The following DLG2 variants were observed in gnomAD, a reference collection of about 807,000 sequenced individuals.
DLG2 encodes the protein discs large MAGUK scaffold protein 2.
In DLG2, 45 loss-of-function variants were observed where a neutral mutation model predicts 132.5. The observed-to-expected ratio is 0.34, with a 90% CI of 0.27 to 0.44. The LOEUF (loss-of-function observed/expected upper bound fraction) is 0.44. DLG2 is among the 20% of genes least tolerant of loss of function. The pLI, the probability that DLG2 is intolerant of heterozygous loss-of-function variation, is 1.00. For missense variants in DLG2, 1,045 were observed against 1,196.9 expected (o/e 0.87, Z 1.87); for synonymous variants, 424 against 419.6 (o/e 1.01, Z -0.13).
chr11:83,796,659 T>G (rs1354946347), intron 17 of DLG2, among the ~76,000 whole-genome samples: 1 of 152,232 alleles, frequency 6.6e-6, no homozygotes, highest in Non-Finnish European at 1.5e-5. Context: ...AGATCAAATA[T>G]GGCAATATGG....
intron 6 of DLG2, among the ~76,000 whole-genome samples, chr11:85,093,947 A>G (rs141417813): frequency 1.1e-4 from 17 of 152,362 alleles, no homozygotes; most frequent in African/African-American, 3.8e-4. Flanking sequence ...AATAAAGACA[A>G]TAACAAGGTA....
intron 6 of DLG2, among the ~76,000 whole-genome samples, chr11:84,929,678 C>T (rs1197987035): frequency 2.0e-5 from 3 of 151,900 alleles, no homozygotes; most frequent in South Asian, 2.1e-4. Context: ...AGAGAAATTG[C>T]GTTATTGAAA....
At chr11:84,570,280 T>C (rs2099476553) in intron 6 of DLG2, among the ~76,000 whole-genome samples, 1 of 152,214 alleles carries the variant, frequency 6.6e-6, no homozygotes, top group Non-Finnish European at 1.5e-5. Flanking sequence ...TTATCTGGCT[T>C]ATTCTTGTTC....
chr11:84,765,011 G>C (rs565573281), intron 6 of DLG2, among the ~76,000 whole-genome samples: 1 of 152,142 alleles, frequency 6.6e-6, no homozygotes, highest in East Asian at 1.9e-4. Context: ...CATGTCCAAT[G>C]GCAGAAAGTG....
chr11:84,292,687 T>G (rs1426325955), intron 7 of DLG2, among the ~76,000 whole-genome samples: 1 of 152,164 alleles, frequency 6.6e-6, no homozygotes, highest in African/African-American at 2.4e-5. Flanking sequence ...TTGTCAAACT[T>G]GATAGAGAAT....
intron 24 of DLG2, 134 bp from the exon 25 acceptor site, chr11:83,469,507 G>A: frequency 1.6e-6 from 1 of 643,494 alleles, no homozygotes; most frequent in Non-Finnish European, 2.5e-6. Flanking sequence ...CATAGTAACA[G>A]GTACTAGTCT....
At chr11:85,082,677 A>AT (rs538006282) in intron 6 of DLG2, among the ~76,000 whole-genome samples, 1 of 151,100 alleles carries the variant, frequency 6.6e-6, no homozygotes, top group African/African-American at 2.4e-5. Context: ...TAAAAAAACA[A>AT]TTTTTTTGAG....
At chr11:84,877,592 C>T (rs774623178) in intron 6 of DLG2, among the ~76,000 whole-genome samples, 90 of 124,336 alleles carry the variant, frequency 7.2e-4, no homozygotes, top group Non-Finnish European at 1.1e-3. Flanking sequence ...CCAGGTGTGT[C>T]TTTGCACATG....
At chr11:84,813,964 G>C (rs1305819486) in intron 6 of DLG2, among the ~76,000 whole-genome samples, 1 of 152,018 alleles carries the variant, frequency 6.6e-6, no homozygotes, top group East Asian at 1.9e-4. Context: ...GTAACAGAAA[G>C]GAAAAGAAAA....
At chr11:83,583,432 A>G (rs1434033425) in intron 19 of DLG2, among the ~76,000 whole-genome samples, 1 of 152,216 alleles carries the variant, frequency 6.6e-6, no homozygotes, top group Non-Finnish European at 1.5e-5. Flanking sequence ...GTGGCTAAGA[A>G]CACCAACTAT....
intron 4 of DLG2, among the ~76,000 whole-genome samples, chr11:85,174,469 G>A (rs149382782): frequency 6.6e-6 from 1 of 152,266 alleles, no homozygotes; most frequent in Non-Finnish European, 1.5e-5. Flanking sequence ...CTAAAGCAGT[G>A]TTAAAAGGGA....
At chr11:83,742,619 T>C (rs1399299560) in intron 18 of DLG2, among the ~76,000 whole-genome samples, 1 of 152,198 alleles carries the variant, frequency 6.6e-6, no homozygotes, top group African/African-American at 2.4e-5. Context: ...AGCTCAACTC[T>C]GGATTCCTTC....
intron 19 of DLG2, among the ~76,000 whole-genome samples, chr11:83,595,974 T>C (rs1459743069): frequency 6.6e-6 from 1 of 152,202 alleles, no homozygotes; most frequent in Non-Finnish European, 1.5e-5. Context: ...AAGAAACTTA[T>C]ACAACCCTTA....
intron 7 of DLG2, among the ~76,000 whole-genome samples, chr11:84,497,654 C>T (rs180926314): frequency 5.3e-5 from 8 of 152,208 alleles, no homozygotes; most frequent in Non-Finnish European, 1.0e-4. Flanking sequence ...AATTAGAATT[C>T]TCATGTCATG....
chr11:85,052,082 A>C (rs527601385), intron 6 of DLG2, among the ~76,000 whole-genome samples: 1 of 152,206 alleles, frequency 6.6e-6, no homozygotes, highest in South Asian at 2.1e-4. Flanking sequence ...TGGATCAAGA[A>C]GAAAAGACTG....
At chr11:85,215,445 A>G (rs1224348816) in intron 4 of DLG2, among the ~76,000 whole-genome samples, 2 of 152,216 alleles carry the variant, frequency 1.3e-5, no homozygotes, top group Non-Finnish European at 2.9e-5. Flanking sequence ...ATGCCACCTC[A>G]AAATATTCCA....
chr11:84,639,726 T>G (rs888311051), intron 6 of DLG2, among the ~76,000 whole-genome samples: 2 of 152,106 alleles, frequency 1.3e-5, no homozygotes, highest in Non-Finnish European at 2.9e-5. Context: ...GGCCCTGGGT[T>G]GCTCAATGCC....
At chr11:84,471,666 G>A (rs2099108788) in intron 7 of DLG2, among the ~76,000 whole-genome samples, 1 of 151,716 alleles carries the variant, frequency 6.6e-6, no homozygotes, top group South Asian at 2.1e-4. Flanking sequence ...CAATTAGGTT[G>A]TCACAGTAAG....
intron 7 of DLG2, among the ~76,000 whole-genome samples, chr11:84,333,475 A>G (rs2098470359): frequency 6.6e-6 from 1 of 152,224 alleles, no homozygotes; most frequent in Admixed American, 6.5e-5. Context: ...TGGATCAGAA[A>G]AGAGCTGGCC....
Sources: allele counts gnomAD v4.1 joint callset (sites outside exome capture counted in the v4.1 genomes callset), GRCh38; gene constraint gnomAD v4.1.1; transcripts MANE v1.5; gene names NCBI Gene and HGNC (gene_info 2026-07-23, HGNC 2026-07-21).